Variants in MIR2052HG observed in about 807,000 individuals in gnomAD.
The protein encoded by MIR2052HG is MIR2052 host gene.
At chr8:74,733,186 T>C (rs1809712118) in intron 4 of MIR2052HG, among the ~76,000 whole-genome samples, 1 of 152,138 alleles carries the variant, frequency 6.6e-6, no homozygotes, top group South Asian at 2.1e-4. Context: ...ACCCACTGAC[T>C]CGTCATCTAG....
intron 2 of MIR2052HG, among the ~76,000 whole-genome samples, chr8:74,672,203 C>A (rs1424488153): frequency 1.3e-5 from 2 of 152,064 alleles, no homozygotes; most frequent in Admixed American, 6.6e-5. Flanking sequence ...CACATTTTCA[C>A]AAAATCTCAC....
intron 2 of MIR2052HG, among the ~76,000 whole-genome samples, chr8:74,693,181 C>T (rs754011673): frequency 1.5e-4 from 23 of 152,166 alleles, no homozygotes; most frequent in Non-Finnish European, 2.9e-4. Flanking sequence ...AACATTATTT[C>T]TTGTTGTAAC....
chr8:74,684,501 C>A (rs908327213), intron 2 of MIR2052HG, among the ~76,000 whole-genome samples: 1 of 152,022 alleles, frequency 6.6e-6, no homozygotes, highest in Non-Finnish European at 1.5e-5. Context: ...AAAGTATATT[C>A]TTTTCCCATT....
intron 5 of MIR2052HG, among the ~76,000 whole-genome samples, chr8:74,754,674 A>G (rs996846610): frequency 5.9e-5 from 9 of 152,158 alleles, no homozygotes; most frequent in Non-Finnish European, 1.2e-4. Flanking sequence ...GGCGAGAAAG[A>G]GAACTGTGGG....
At chr8:74,644,958 C>T (rs1808676651) in intron 2 of MIR2052HG, among the ~76,000 whole-genome samples, 1 of 151,892 alleles carries the variant, frequency 6.6e-6, no homozygotes, top group South Asian at 2.1e-4. Flanking sequence ...AGAAACCAAC[C>T]ACTTGTCTTG....
chr8:74,649,930 T>C (rs938046201), intron 2 of MIR2052HG, among the ~76,000 whole-genome samples: 12 of 152,254 alleles, frequency 7.9e-5, no homozygotes, highest in Admixed American at 5.2e-4. Flanking sequence ...GCTTTTATTA[T>C]TCCTATAAAG....
At chr8:74,745,253 A>C (rs1372351959) in intron 4 of MIR2052HG, among the ~76,000 whole-genome samples, 1 of 152,110 alleles carries the variant, frequency 6.6e-6, no homozygotes, top group Non-Finnish European at 1.5e-5. Context: ...GCAGAGCTAG[A>C]CCTCATCTCA....
intron 2 of MIR2052HG, among the ~76,000 whole-genome samples, chr8:74,658,246 T>C (rs752184158): frequency 6.6e-6 from 1 of 152,194 alleles, no homozygotes; most frequent in Non-Finnish European, 1.5e-5. Context: ...ACTTTTTTCA[T>C]TCACATATAG....
intron 2 of MIR2052HG, among the ~76,000 whole-genome samples, chr8:74,681,018 A>G (rs996512554): frequency 4.3e-5 from 6 of 139,150 alleles, no homozygotes; most frequent in Admixed American, 4.0e-4. Context: ...AACAATGAGA[A>G]CACATGGACA....
At chr8:74,647,054 G>C (rs896881615) in intron 2 of MIR2052HG, among the ~76,000 whole-genome samples, 3 of 152,184 alleles carry the variant, frequency 2.0e-5, no homozygotes, top group Admixed American at 6.5e-5. Context: ...TTATCAGTCT[G>C]TGTGCAGGAG....
At chr8:74,673,704 C>T (rs547579680) in intron 2 of MIR2052HG, among the ~76,000 whole-genome samples, 1 of 151,652 alleles carries the variant, frequency 6.6e-6, no homozygotes, top group East Asian at 1.9e-4. Context: ...TTTATTCTCC[C>T]TTTACAACTT....
intron 2 of MIR2052HG, among the ~76,000 whole-genome samples, chr8:74,668,595 T>C (rs939840298): frequency 6.6e-6 from 1 of 152,180 alleles, no homozygotes; most frequent in Non-Finnish European, 1.5e-5. Flanking sequence ...TCTCTAAATA[T>C]CACTCTCTTT....
rs185629732 is a variant in MIR2052HG, at chr8:74,717,944, A to G, written n.371+14262A>G. 2.2e-3 allele frequency among the ~76,000 whole-genome samples: 341 copies of G among 152,334 alleles called. 2 individuals carry two copies. Among genetic ancestry groups the G allele is most frequent in the African/African-American group, 7.8e-3 (323 of 41,590 alleles). On this transcript the variant is annotated intron_variant and non_coding_transcript_variant, in intron 4 of 6. Coordinates refer to ENST00000523442, the Ensembl canonical transcript of MIR2052HG. The stretch of plus-strand genomic sequence containing the variant: ...TTATTTTTACAGTTTGATAATATAT[A>G]AAAGTGTCTTATAAATATATCATCT...
At chr8:74,699,599 G>A (rs1032603229) in intron 2 of MIR2052HG, among the ~76,000 whole-genome samples, 3 of 152,012 alleles carry the variant, frequency 2.0e-5, no homozygotes, top group African/African-American at 7.2e-5. Flanking sequence ...GGATGCAAAG[G>A]TGTAAGAATG....
intron 4 of MIR2052HG, among the ~76,000 whole-genome samples, chr8:74,719,849 CTTTTTT>C (rs10647233): frequency 2.3e-3 from 243 of 106,736 alleles, no homozygotes; most frequent in Non-Finnish European, 3.4e-3. Context: ...TTTCTTTTTT[CTTTTTT>C]TTTTTTTTTT....
At chr8:74,603,027 A>G (rs1320240393) in intron 1 of MIR2052HG, among the ~76,000 whole-genome samples, 1 of 120,616 alleles carries the variant, frequency 8.3e-6, no homozygotes, top group African/African-American at 3.4e-5. Context: ...AAAACAAAAC[A>G]AAACAAAACA....
intron 2 of MIR2052HG, among the ~76,000 whole-genome samples, chr8:74,651,481 C>T (rs2553711): frequency 0.63 from 95,914 of 151,910 alleles, 30,541 homozygotes; most frequent in East Asian, 0.77. Context: ...ACATTTATAA[C>T]ATATTTTCTT....
At chr8:74,673,493 G>A (rs1025148964) in intron 2 of MIR2052HG, among the ~76,000 whole-genome samples, 6 of 151,964 alleles carry the variant, frequency 3.9e-5, no homozygotes, top group African/African-American at 9.7e-5. Flanking sequence ...TAGCTTGCTG[G>A]TCATTTCCAC....
chr8:74,745,706 G>A lies in MIR2052HG; in HGVS notation n.372-6735G>A, dbSNP rs140699390. Among the ~76,000 whole-genome samples the A allele has an allele frequency of 3.0e-4, 45 of 152,270 alleles. No individual in the cohort carries two copies. The East Asian group carries it at 7.1e-3, about 24-fold the overall frequency. ...ATCTTATGAAGGAAAAGCACTATGT[G>A]GATGGCTACAGCTATTCTGGCATTT... On this transcript the variant is annotated intron_variant and non_coding_transcript_variant, in intron 4 of 6. Coordinates refer to ENST00000523442, the Ensembl canonical transcript of MIR2052HG.
Sources: gnomAD v4.1 joint callset for allele counts (sites outside exome capture counted in the v4.1 genomes callset) on GRCh38, gnomAD v4.1.1 for gene constraint, MANE v1.5 for transcripts, NCBI Gene and HGNC (gene_info 2026-07-23, HGNC 2026-07-21) for gene names.